SGCZ: variants seen among roughly 807,000 people sequenced by gnomAD.
SGCZ encodes the protein zeta-sarcoglycan.
SGCZ carries 40 observed loss-of-function variants against 41.3 expected under a neutral mutation model. The ratio of observed to expected loss-of-function variants is 0.97; its 90% CI spans 0.75 to 1.26. The LOEUF (loss-of-function observed/expected upper bound fraction) is 1.26, where lower values mean the gene tolerates loss of function less well. SGCZ is among the 50% of genes most tolerant of loss of function. The pLI is 0.00. For synonymous variants in SGCZ, 206 were observed against 137.5 expected, an observed-to-expected ratio of 1.50 and a Z score of -3.49; for missense variants, 552 against 369.8, an observed-to-expected ratio of 1.49 and a Z score of -4.04.
intron 4 of SGCZ, among the ~76,000 whole-genome samples, chr8:14,192,631 G>C (rs558581154): frequency 1.3e-5 from 2 of 151,610 alleles, no homozygotes; most frequent in South Asian, 4.2e-4. Flanking sequence ...TTTCTTCTCA[G>C]CCTTCATCTT....
At chr8:14,335,554 T>A (rs1305871159) in intron 2 of SGCZ, among the ~76,000 whole-genome samples, 1 of 152,150 alleles carries the variant, frequency 6.6e-6, no homozygotes, top group Admixed American at 6.6e-5. Context: ...TTTCTAAGTT[T>A]TATTTGTTTA....
intron 1 of SGCZ, among the ~76,000 whole-genome samples, chr8:14,784,151 A>G (rs1234259800): frequency 1.3e-5 from 2 of 151,784 alleles, no homozygotes; most frequent in Non-Finnish European, 2.9e-5. Flanking sequence ...CGCAGGCTCA[A>G]TATATCCTCT....
At chr8:15,157,734 C>T (rs1799375337) in intron 1 of SGCZ, among the ~76,000 whole-genome samples, 1 of 152,168 alleles carries the variant, frequency 6.6e-6, no homozygotes, top group Non-Finnish European at 1.5e-5. Context: ...GAAACCTTTA[C>T]AGTACTAGAT....
intron 5 of SGCZ, among the ~76,000 whole-genome samples, chr8:14,112,822 T>G (rs1163660358): frequency 1.3e-5 from 2 of 152,120 alleles, no homozygotes; most frequent in Non-Finnish European, 2.9e-5. Context: ...TGTATACTAA[T>G]AACTCTTCTC....
At chr8:14,178,991 T>C (rs1418559228) in intron 4 of SGCZ, among the ~76,000 whole-genome samples, 1 of 152,142 alleles carries the variant, frequency 6.6e-6, no homozygotes, top group Non-Finnish European at 1.5e-5. Context: ...CAGACCTCAT[T>C]GAGCTAAAGA....
At chr8:14,629,931 A>T (rs1359795501) in intron 1 of SGCZ, among the ~76,000 whole-genome samples, 1 of 152,128 alleles carries the variant, frequency 6.6e-6, no homozygotes, top group East Asian at 1.9e-4. Flanking sequence ...GTTTGCAGTT[A>T]CTTGTGATGA....
At chr8:15,193,252 T>C (rs959763045) in intron 1 of SGCZ, among the ~76,000 whole-genome samples, 3 of 152,088 alleles carry the variant, frequency 2.0e-5, no homozygotes, top group African/African-American at 7.3e-5. Context: ...ACTATAATTA[T>C]CAAAAATATG....
At chr8:14,567,263 C>T (rs575416956) in intron 1 of SGCZ, among the ~76,000 whole-genome samples, 58 of 152,346 alleles carry the variant, frequency 3.8e-4, no homozygotes, top group Non-Finnish European at 6.0e-4. Context: ...ATCTGCCACA[C>T]CAGTGCGGGA....
chr8:15,036,843 A>G (rs905086773), intron 1 of SGCZ, among the ~76,000 whole-genome samples: 3 of 152,174 alleles, frequency 2.0e-5, no homozygotes. Flanking sequence ...AAAGTCCTCA[A>G]CAAACCACTA....
intron 1 of SGCZ, among the ~76,000 whole-genome samples, chr8:14,760,328 G>C (rs539394572): frequency 1.4e-4 from 21 of 152,290 alleles, no homozygotes; most frequent in Non-Finnish European, 2.4e-4. Context: ...GATGCTATCA[G>C]TTAACAATCC....
At chr8:15,131,749 G>A (rs530215720) in intron 1 of SGCZ, among the ~76,000 whole-genome samples, 20 of 124,954 alleles carry the variant, frequency 1.6e-4, no homozygotes, top group Non-Finnish European at 1.8e-5. Flanking sequence ...GCCACCAAAG[G>A]CCAAACTCCT....
intron 2 of SGCZ, among the ~76,000 whole-genome samples, chr8:14,347,633 T>C (rs1385012307): frequency 6.6e-6 from 1 of 150,900 alleles, no homozygotes. Flanking sequence ...TAAAAAAAAA[T>C]ACATATACAC....
At chr8:14,535,034 G>A (rs1430877013) in intron 2 of SGCZ, among the ~76,000 whole-genome samples, 1 of 151,892 alleles carries the variant, frequency 6.6e-6, no homozygotes, top group Non-Finnish European at 1.5e-5. Flanking sequence ...TTTTTTATTA[G>A]TTAGTATAAA....
rs147442452 is a variant in SGCZ, at chr8:14,776,120, T to C, written c.40-221194A>G. 5.6e-4 allele frequency among the ~76,000 whole-genome samples: 86 copies of C among 152,348 alleles called. 1 individual carries two copies. The highest frequency in any genetic ancestry group is 1.8e-3 in the African/African-American group (73 of 41,588). The stretch of plus-strand genomic sequence containing the variant: ...AAAAGTGAACTCTTAATTCTTATTT[T>C]ATAGAATTTAAAATGTGGTGATTTG... On this transcript the variant is annotated intron_variant, in intron 1 of 7. Coordinates refer to ENST00000382080, the MANE Select transcript of SGCZ (RefSeq NM_139167.4).
At chr8:15,128,237 G>A (rs1807775641) in intron 1 of SGCZ, among the ~76,000 whole-genome samples, 1 of 152,140 alleles carries the variant, frequency 6.6e-6, no homozygotes, top group Non-Finnish European at 1.5e-5. Context: ...TATCTCCAAT[G>A]TGTTAATTCA....
chr8:14,134,216 T>C (rs962976574), intron 5 of SGCZ, among the ~76,000 whole-genome samples: 4 of 151,320 alleles, frequency 2.6e-5, no homozygotes, highest in African/African-American at 4.9e-5. Flanking sequence ...CACAATTAGA[T>C]ATTAGATAAT....
At chr8:15,143,584 G>C (rs1798958912) in intron 1 of SGCZ, among the ~76,000 whole-genome samples, 2 of 152,084 alleles carry the variant, frequency 1.3e-5, no homozygotes, top group African/African-American at 4.8e-5. Context: ...TGAAAACCAT[G>C]GCTTACAAAA....
chr8:14,723,199 T>C (rs977385646), intron 1 of SGCZ, among the ~76,000 whole-genome samples: 3 of 152,150 alleles, frequency 2.0e-5, no homozygotes, highest in African/African-American at 7.2e-5. Flanking sequence ...GTCAGCATAA[T>C]TGGAGCAGAT....
At chr8:14,979,174 A>G (rs1801583232) in intron 1 of SGCZ, among the ~76,000 whole-genome samples, 1 of 152,220 alleles carries the variant, frequency 6.6e-6, no homozygotes. Context: ...GAATACACTA[A>G]AAGGCATTAA....
Sources: gnomAD v4.1 joint callset for allele counts (sites outside exome capture counted in the v4.1 genomes callset) on GRCh38, gnomAD v4.1.1 for gene constraint, MANE v1.5 for transcripts, NCBI Gene and HGNC (gene_info 2026-07-23, HGNC 2026-07-21) for gene names.